NUDCD1: variants seen among roughly 807,000 people sequenced by gnomAD.
The protein encoded by NUDCD1 is nudC domain-containing protein 1.
Under a neutral mutation model 67.8 loss-of-function variants are expected in NUDCD1, and 60 were observed. The observed-to-expected ratio is 0.88, with a 90% CI of 0.72 to 1.10. NUDCD1 has a LOEUF of 1.10. Among genes scored for constraint, NUDCD1 ranks in the 50% least tolerant of loss-of-function variants. The probability of loss-of-function intolerance (pLI) is 0.00; values close to 1 mark genes in which losing one functional copy is unlikely to be tolerated. For synonymous variants in NUDCD1, 244 were observed against 230.8 expected, an observed-to-expected ratio of 1.06 and a Z score of -0.52; for missense variants, 643 against 695.0, an observed-to-expected ratio of 0.93 and a Z score of 0.84.
intron 2 of NUDCD1, among the ~76,000 whole-genome samples, chr8:109,303,989 C>G (rs866016890): frequency 6.6e-6 from 1 of 152,052 alleles, no homozygotes; most frequent in Admixed American, 6.5e-5. Context: ...CATATACTCT[C>G]CTATCCTCAA....
intron 2 of NUDCD1, among the ~76,000 whole-genome samples, chr8:109,316,918 A>G (rs974281089): frequency 5.9e-5 from 9 of 152,236 alleles, no homozygotes; most frequent in Admixed American, 5.9e-4. Context: ...AGAACCAAAG[A>G]AAATTAAGCA....
chr8:109,314,761 T>C (rs929204010), intron 2 of NUDCD1, among the ~76,000 whole-genome samples: 2 of 152,042 alleles, frequency 1.3e-5, no homozygotes, highest in Non-Finnish European at 2.9e-5. Context: ...TGCCCATATA[T>C]TATATATAAA....
intron 8 of NUDCD1, among the ~76,000 whole-genome samples, chr8:109,269,937 T>A (rs1330468995): frequency 1.9e-5 from 2 of 102,822 alleles, no homozygotes; most frequent in African/African-American, 1.1e-4. Context: ...TCTAATAAGG[T>A]TCTAAATTAA....
intron 8 of NUDCD1, among the ~76,000 whole-genome samples, chr8:109,261,166 T>C (rs924044873): frequency 3.3e-5 from 5 of 152,282 alleles, no homozygotes; most frequent in Admixed American, 6.5e-5. Context: ...TAAGCCTATA[T>C]GACAGCATGC....
At chr8:109,244,920 T>C (rs912089586) in intron 9 of NUDCD1, among the ~76,000 whole-genome samples, 2 of 152,192 alleles carry the variant, frequency 1.3e-5, no homozygotes, top group African/African-American at 2.4e-5. Context: ...TAATGTGCAT[T>C]ACACCTTAGG....
intron 8 of NUDCD1, 37 bp downstream of exon 8, chr8:109,270,968 T>C: frequency 7.7e-6 from 11 of 1,420,300 alleles, no homozygotes; most frequent in Non-Finnish European, 9.7e-6. Context: ...GAGTAACTAC[T>C]GACAAAATTT....
intron 1 of NUDCD1, among the ~76,000 whole-genome samples, chr8:109,333,211 A>G (rs1815852846): frequency 6.6e-6 from 1 of 152,248 alleles, no homozygotes; most frequent in East Asian, 1.9e-4. Flanking sequence ...CATGCATCAG[A>G]ATCAGCAGGG....
chr8:109,253,479 G>A (rs1813666386), intron 8 of NUDCD1, among the ~76,000 whole-genome samples: 1 of 152,162 alleles, frequency 6.6e-6, no homozygotes, highest in African/African-American at 2.4e-5. Flanking sequence ...GTTTCCTTTA[G>A]GCCTGACTTG....
chr8:109,316,142 A>G (rs1257975827), intron 2 of NUDCD1: 1 of 152,218 alleles, frequency 6.6e-6, no homozygotes, highest in African/African-American at 2.4e-5. Context: ...TTACTTTAAA[A>G]TAAGCCATAA....
intron 8 of NUDCD1, among the ~76,000 whole-genome samples, chr8:109,256,741 C>G (rs1442805141): frequency 6.6e-6 from 1 of 151,724 alleles, no homozygotes; most frequent in Non-Finnish European, 1.5e-5. Context: ...AAAATGACAC[C>G]AAGTTCCTCT....
chr8:109,319,957 C>T (rs948524824), intron 2 of NUDCD1, among the ~76,000 whole-genome samples: 11 of 152,016 alleles, frequency 7.2e-5, no homozygotes, highest in African/African-American at 2.4e-4. Flanking sequence ...CCCCACTAGC[C>T]GCAAAAACCA....
At chr8:109,304,868 A>G (rs1815067654) in intron 2 of NUDCD1, among the ~76,000 whole-genome samples, 2 of 151,366 alleles carry the variant, frequency 1.3e-5, no homozygotes, top group South Asian at 4.2e-4. Context: ...ACTCCCACCA[A>G]CTCCCCCACT....
rs537603577 is a variant in NUDCD1, at chr8:109,291,702, T to C, written c.640+1642A>G. Among the ~76,000 whole-genome samples, 3 of 152,286 alleles carry C rather than the reference T, an allele frequency of 2.0e-5. No individual in the cohort carries two copies. The South Asian group carries it at 6.2e-4, about 32-fold the overall frequency. On this transcript the variant is annotated intron_variant, in intron 4 of 9. Transcript: ENST00000239690. Reference sequence around the variant, plus strand: ...AGGGAACAATAAAGAGAATTAATGATTCTATAACTACAATCTTGGGAGAAA... The same window carrying C: ...AGGGAACAATAAAGAGAATTAATGACTCTATAACTACAATCTTGGGAGAAA...
At chr8:109,249,088 T>C (rs563469316) in intron 8 of NUDCD1, among the ~76,000 whole-genome samples, 72 of 152,330 alleles carry the variant, frequency 4.7e-4, no homozygotes, top group African/African-American at 1.7e-3. Flanking sequence ...AGCTATGACT[T>C]TGGGTAGGAT....
At chr8:109,302,996 A>G (rs1490920205) in intron 2 of NUDCD1, among the ~76,000 whole-genome samples, 1 of 152,220 alleles carries the variant, frequency 6.6e-6, no homozygotes, top group Non-Finnish European at 1.5e-5. Flanking sequence ...AACCCCAGCC[A>G]CATTTCCAGC....
intron 8 of NUDCD1, among the ~76,000 whole-genome samples, chr8:109,252,170 G>C (rs1191675692): frequency 1.3e-5 from 2 of 152,054 alleles, no homozygotes; most frequent in African/African-American, 4.8e-5. Context: ...ATGGTGAGGG[G>C]GATGTGGGTT....
At chr8:109,272,364 AACACACACAC>A (rs5893949) in intron 7 of NUDCD1, among the ~76,000 whole-genome samples, 26 of 150,258 alleles carry the variant, frequency 1.7e-4, no homozygotes, top group Admixed American at 1.5e-3. Flanking sequence ...GAACCACTAA[AACACACACAC>A]ACACACACAC....
chr8:109,301,507 G>A (rs528880240), intron 2 of NUDCD1, among the ~76,000 whole-genome samples: 10 of 152,276 alleles, frequency 6.6e-5, no homozygotes, highest in African/African-American at 1.9e-4. Context: ...ATTTGGTGCC[G>A]AAGACCCGGG....
At chr8:109,275,619 T>G in intron 6 of NUDCD1, 123 bp from the exon 7 acceptor site, 1 of 843,138 alleles carries the variant, frequency 1.2e-6, no homozygotes, top group South Asian at 2.1e-5. Context: ...AGAGGATGGT[T>G]TACCAAAAAT....
Sources: allele counts gnomAD v4.1 joint callset (sites outside exome capture counted in the v4.1 genomes callset), GRCh38; gene constraint gnomAD v4.1.1; transcripts MANE v1.5; gene names NCBI Gene and HGNC (gene_info 2026-07-23, HGNC 2026-07-21).